ANO3: variants seen among roughly 807,000 people sequenced by gnomAD.
ANO3 encodes the protein anoctamin-3.
A neutral mutation model predicts 144.8 loss-of-function variants in ANO3; 99 were observed. The ratio of observed to expected loss-of-function variants is 0.68; its 90% CI spans 0.58 to 0.81. The LOEUF is 0.81. Ranked by LOEUF, ANO3 falls within the 30% of genes least tolerant of loss-of-function variation. The probability of loss-of-function intolerance (pLI) is 0.00; values close to 1 mark genes in which losing one functional copy is unlikely to be tolerated. For synonymous variants in ANO3, 414 were observed against 392.6 expected, an observed-to-expected ratio of 1.05 and a Z score of -0.64; for missense variants, 905 against 1,202.2, an observed-to-expected ratio of 0.75 and a Z score of 3.66.
chr11:26,351,912 GC>G (rs1399008308), intron 1 of ANO3, among the ~76,000 whole-genome samples: 1 of 152,124 alleles, frequency 6.6e-6, no homozygotes, highest in Non-Finnish European at 1.5e-5. Flanking sequence ...GGTAGAGAGG[GC>G]TGACAAAGGG....
intron 1 of ANO3, among the ~76,000 whole-genome samples, chr11:26,229,915 C>T (rs1852352476): frequency 6.6e-6 from 1 of 152,172 alleles, no homozygotes; most frequent in South Asian, 2.1e-4. Context: ...TTCTTTTTCA[C>T]CCATTTACTT....
At chr11:26,448,943 A>G (rs1422183703) in intron 3 of ANO3, among the ~76,000 whole-genome samples, 2 of 152,206 alleles carry the variant, frequency 1.3e-5, no homozygotes, top group East Asian at 1.9e-4. Flanking sequence ...GCCTCCTTAT[A>G]GATGATTTTC....
chr11:26,297,877 A>G (rs183865515), intron 1 of ANO3, among the ~76,000 whole-genome samples: 34 of 152,320 alleles, frequency 2.2e-4, no homozygotes, highest in Admixed American at 1.0e-3. Flanking sequence ...ACTCTGGGTG[A>G]CATAATCAGT....
chr11:26,609,495 A>C (rs570847105), intron 17 of ANO3, among the ~76,000 whole-genome samples: 2 of 150,668 alleles, frequency 1.3e-5, no homozygotes, highest in East Asian at 3.9e-4. Flanking sequence ...TGCAGGATTC[A>C]CATATCCTGC....
rs189142082 is a variant in ANO3, at chr11:26,237,884, G to A, written c.154+48554G>A. 2.3e-4 allele frequency among the ~76,000 whole-genome samples: 35 copies of A among 152,182 alleles called. No individual in the cohort carries two copies. In the South Asian group the frequency reaches 6.6e-3, roughly 29 times the overall value. ...CATAGACATTCTGCTATGCCTAAAT[G>A]AAAGTGTTTATGACTGTCACAAGTT... is the stretch of plus-strand genomic sequence containing the variant. On this transcript the variant is annotated intron_variant, in intron 1 of 27. Coordinates refer to the ANO3 transcript ENST00000672621.
intron 6 of ANO3, among the ~76,000 whole-genome samples, chr11:26,523,616 GGGA>G (rs139326140): frequency 0.042 from 6,438 of 152,282 alleles, 306 homozygotes; most frequent in African/African-American, 0.11. Flanking sequence ...AGAAGAGAAA[GGGA>G]GGAGAAGTCT....
At chr11:26,295,704 T>C (rs1332691815) in intron 1 of ANO3, among the ~76,000 whole-genome samples, 1 of 152,154 alleles carries the variant, frequency 6.6e-6, no homozygotes, top group African/African-American at 2.4e-5. Context: ...TCTCCATCAG[T>C]TGTCAAATCA....
chr11:26,269,309 T>C (rs1023572151), intron 1 of ANO3, among the ~76,000 whole-genome samples: 3 of 152,100 alleles, frequency 2.0e-5, no homozygotes, highest in African/African-American at 7.2e-5. Context: ...TCTGCCAAAG[T>C]CTCCTTATTG....
At chr11:26,335,260 A>T (rs1855162721) in intron 1 of ANO3, among the ~76,000 whole-genome samples, 1 of 152,206 alleles carries the variant, frequency 6.6e-6, no homozygotes, top group Admixed American at 6.5e-5. Context: ...TAAGGTGTTT[A>T]GCAGTTTGTC....
Position 26,289,299 on chromosome 11 carries a change from T to A in ANO3, c.155-20346T>A, listed in dbSNP as rs527804623. ...TTTTATTAAGCAACTAACTTCATTTTTTCAACTGAGCATACTCAGTAATAA... is the reference window on the plus strand; with the variant it reads ...TTTTATTAAGCAACTAACTTCATTTATTCAACTGAGCATACTCAGTAATAA... On this transcript the variant is annotated intron_variant, in intron 1 of 27. Transcript: ENST00000672621. Among the ~76,000 whole-genome samples the A allele has an allele frequency of 3.9e-5, 6 of 151,976 alleles. 1 individual carries two copies. The South Asian group carries it at 1.0e-3, about 26-fold the overall frequency.
chr11:26,647,537 A>G (rs1171748420), intron 23 of ANO3, among the ~76,000 whole-genome samples, 172 bp from the exon 24 acceptor site: 1 of 152,222 alleles, frequency 6.6e-6, no homozygotes, highest in African/African-American at 2.4e-5. Flanking sequence ...CTTTGTGGAA[A>G]AAGTGTATTC....
chr11:26,339,810 G>A (rs1855306124), intron 1 of ANO3, among the ~76,000 whole-genome samples: 3 of 152,152 alleles, frequency 2.0e-5, no homozygotes, highest in South Asian at 4.1e-4. Context: ...TTAACCTGTA[G>A]CGTATTAGTA....
At chr11:26,602,973 G>A (rs1320676043) in intron 17 of ANO3, among the ~76,000 whole-genome samples, 1 of 152,088 alleles carries the variant, frequency 6.6e-6, no homozygotes, top group Non-Finnish European at 1.5e-5. Context: ...GATATTCTAA[G>A]TAGATTGTCA....
intron 17 of ANO3, among the ~76,000 whole-genome samples, chr11:26,615,662 T>C (rs1261333207): frequency 8.5e-5 from 13 of 152,108 alleles, no homozygotes; most frequent in Non-Finnish European, 1.6e-4. Context: ...TACACTTGCT[T>C]CCCTTCGATA....
chr11:26,207,722 A>G (rs1851834789), intron 1 of ANO3, among the ~76,000 whole-genome samples: 1 of 84,088 alleles, frequency 1.2e-5, no homozygotes, highest in Admixed American at 1.1e-4. Context: ...AGACCTAACT[A>G]GATTACAGTA....
intron 1 of ANO3, among the ~76,000 whole-genome samples, chr11:26,406,293 T>A (rs1388932236): frequency 6.6e-6 from 1 of 151,774 alleles, no homozygotes; most frequent in African/African-American, 2.4e-5. Context: ...AATGGTGCTT[T>A]TCCCATTCAT....
chr11:26,332,144 C>A lies in ANO3; in HGVS notation c.-132C>A, dbSNP rs926298215. Reference sequence around the variant, plus strand: ...GCGCGTAGCCTGGAGAGCGAAGTGCCGGCTACAGCAGGTGTCGGATTGCAG... The same window carrying A: ...GCGCGTAGCCTGGAGAGCGAAGTGCAGGCTACAGCAGGTGTCGGATTGCAG... On this transcript the variant is annotated 5_prime_UTR_variant, in exon 1 of 27. Coordinates refer to ENST00000256737, the MANE Select transcript of ANO3 (RefSeq NM_031418.4). 5 of 1,547,980 alleles carry A rather than the reference C, an allele frequency of 3.2e-6. No homozygotes were observed. The highest frequency in any genetic ancestry group is 2.7e-5 in the African/African-American group (2 of 73,092).
chr11:26,511,705 T>C (rs572487894), intron 5 of ANO3, among the ~76,000 whole-genome samples: 32 of 152,216 alleles, frequency 2.1e-4, no homozygotes, highest in Non-Finnish European at 3.8e-4. Flanking sequence ...ATTTTAAAAA[T>C]AAACTTTGAA....
chr11:26,285,097 A>ATT (rs60725629), intron 1 of ANO3, among the ~76,000 whole-genome samples: 2 of 149,440 alleles, frequency 1.3e-5, no homozygotes, highest in African/African-American at 2.4e-5. Flanking sequence ...ACTGTGTACA[A>ATT]TTTTTTTTTT....
Sources: allele counts gnomAD v4.1 joint callset (sites outside exome capture counted in the v4.1 genomes callset), GRCh38; gene constraint gnomAD v4.1.1; transcripts MANE v1.5; gene names NCBI Gene and HGNC (gene_info 2026-07-23, HGNC 2026-07-21).